The following FLRT2 variants were observed in gnomAD, a reference collection of about 807,000 sequenced individuals.
The protein encoded by FLRT2 is leucine-rich repeat transmembrane protein FLRT2.
FLRT2 carries 15 observed loss-of-function variants against 40.0 expected under a neutral mutation model. The observed-to-expected ratio is 0.38, with a 90% CI of 0.25 to 0.58. The LOEUF (loss-of-function observed/expected upper bound fraction) is 0.58, where lower values mean the gene tolerates loss of function less well. Ranked by LOEUF, FLRT2 falls within the 20% of genes least tolerant of loss-of-function variation. The pLI is 0.71. For missense variants in FLRT2, 726 were observed against 840.0 expected (o/e 0.86, Z 1.68); for synonymous variants, 380 against 336.8 (o/e 1.13, Z -1.41).
intron 1 of FLRT2, among the ~76,000 whole-genome samples, chr14:85,573,229 A>G (rs1595041972): frequency 6.6e-6 from 1 of 150,844 alleles, no homozygotes; most frequent in African/African-American, 2.4e-5. Flanking sequence ...AGAGAGGGAG[A>G]CCCTCCCTCT....
chr14:85,583,010 C>T (rs972916779), intron 1 of FLRT2, among the ~76,000 whole-genome samples: 1 of 151,964 alleles, frequency 6.6e-6, no homozygotes, highest in Non-Finnish European at 1.5e-5. Flanking sequence ...CTGCCCTTAT[C>T]TAAAATAGAA....
At position 85,530,619 on chromosome 14, in the gene FLRT2, A is replaced by AT. The variant is rs5810256; in HGVS notation, c.-377+97dup. 1.1e-3 allele frequency: 162 copies of AT among 149,028 alleles called. 1 individual carries two copies. Among genetic ancestry groups the AT allele is most frequent in the Middle Eastern group, 3.6e-3 (1 of 280 alleles). 9.2% of individuals were successfully genotyped at this position (149,028 alleles called of 1,614,324 possible). On this transcript the variant is annotated intron_variant, in intron 1 of 1. Coordinates refer to ENST00000330753, the MANE Select transcript of FLRT2 (RefSeq NM_013231.6). Reference sequence around the variant, plus strand: ...TGGCACCACGCTGTCTCTTCGGGGGATTTTTTTTTTTTGAAAGAGCTGGGG... The same window carrying AT: ...TGGCACCACGCTGTCTCTTCGGGGGATTTTTTTTTTTTTGAAAGAGCTGGGG...
intron 1 of FLRT2, among the ~76,000 whole-genome samples, chr14:85,542,007 G>A (rs916830511): frequency 5.3e-5 from 8 of 152,120 alleles, no homozygotes; most frequent in Admixed American, 4.6e-4. Flanking sequence ...ATGACTCTTG[G>A]CAGAGTCATG....
At position 85,648,942 on chromosome 14, in the gene FLRT2, G is replaced by C. The variant is rs1894369849; in HGVS notation, c.*25445G>C. The C allele has an allele frequency of 6.6e-6, 1 of 152,136 alleles. No homozygotes were observed. 9.4% of individuals were successfully genotyped at this position (152,136 alleles called of 1,614,324 possible). On this transcript the variant is annotated 3_prime_UTR_variant, in exon 2 of 2. Coordinates refer to ENST00000330753, the MANE Select transcript of FLRT2 (RefSeq NM_013231.6). ...ATAGATTTTAAACCATGTGTGAGCA[G>C]TCACAGAATTCACTGATCTATTATA...
rs1174580814 is a variant in FLRT2 at position 85,533,797 on chromosome 14, G to A, written c.-377+3263G>A. 3.3e-5 allele frequency among the ~76,000 whole-genome samples: 5 copies of A among 151,666 alleles called. No individual in the cohort carries two copies. The East Asian group carries it at 9.8e-4, about 30-fold the overall frequency. On this transcript the variant is annotated intron_variant, in intron 1 of 1. Coordinates refer to ENST00000330753, the MANE Select transcript of FLRT2 (RefSeq NM_013231.6). ...CCCGGCCCCGGCCCGCTGCGGGGAG[G>A]CGCGCGCCGCTCTGAGGCTCCGGCC...
chr14:85,605,593 A>G (rs1430780162), intron 1 of FLRT2, among the ~76,000 whole-genome samples: 1 of 151,954 alleles, frequency 6.6e-6, no homozygotes, highest in African/African-American at 2.4e-5. Context: ...ACACGGTGAA[A>G]CCCCGTCTCT....
At position 85,653,279 on chromosome 14, in the gene FLRT2, TG is replaced by T. The variant is rs1894477166; in HGVS notation, c.*29783del. The T allele has an allele frequency of 6.6e-6, 1 of 152,130 alleles. No individual in the cohort carries two copies. Among genetic ancestry groups the T allele is most frequent in the Admixed American group, 6.6e-5 (1 of 15,262 alleles). The allele number at this position is 152,130 out of a possible 1,614,324, so 9.4% of individuals were successfully genotyped here. On this transcript the variant is annotated 3_prime_UTR_variant, in exon 2 of 2. Coordinates refer to ENST00000330753, the MANE Select transcript of FLRT2 (RefSeq NM_013231.6). ...CAAAATAGCTTTGCTAGGGAACAGA[TG>T]TAACTTGGAGAAGTACCAATTTTGT...
At chr14:85,537,058 A>G (rs1888704299) in intron 1 of FLRT2, among the ~76,000 whole-genome samples, 1 of 152,278 alleles carries the variant, frequency 6.6e-6, no homozygotes, top group African/African-American at 2.4e-5. Flanking sequence ...AGCTGTGTGT[A>G]TATGTCTTTA....
At chr14:85,601,200 G>A (rs892636002) in intron 1 of FLRT2, among the ~76,000 whole-genome samples, 21 of 152,162 alleles carry the variant, frequency 1.4e-4, no homozygotes, top group Admixed American at 4.6e-4. Context: ...GGGAGATGCA[G>A]CATGGAAGAA....
intron 1 of FLRT2, among the ~76,000 whole-genome samples, chr14:85,594,395 C>G (rs1189808630): frequency 6.6e-6 from 1 of 152,044 alleles, no homozygotes; most frequent in Non-Finnish European, 1.5e-5. Context: ...GTGAGTAAAA[C>G]TTCATCAAAT....
chr14:85,583,638 T>C (rs1891487301), intron 1 of FLRT2, among the ~76,000 whole-genome samples: 1 of 152,170 alleles, frequency 6.6e-6, no homozygotes, highest in Non-Finnish European at 1.5e-5. Flanking sequence ...CCTGGTCCGC[T>C]TAAAGAATAT....
chr14:85,546,615 C>T (rs141363161), intron 1 of FLRT2, among the ~76,000 whole-genome samples: 7 of 152,162 alleles, frequency 4.6e-5, no homozygotes, highest in African/African-American at 1.7e-4. Context: ...TGGGTAGAAC[C>T]GAAACGCTTG....
At chr14:85,581,036 TTCTTTA>T (rs1286914793) in intron 1 of FLRT2, among the ~76,000 whole-genome samples, 5 of 152,212 alleles carry the variant, frequency 3.3e-5, no homozygotes, top group Non-Finnish European at 5.9e-5. Context: ...GTTTTTCTTA[TTCTTTA>T]TCTTGCAACA....
chr14:85,543,609 T>A (rs1170413534), intron 1 of FLRT2, among the ~76,000 whole-genome samples: 1 of 152,120 alleles, frequency 6.6e-6, no homozygotes, highest in Non-Finnish European at 1.5e-5. Context: ...CTTGTTATCA[T>A]GCCACGCAAG....
intron 1 of FLRT2, among the ~76,000 whole-genome samples, chr14:85,591,588 C>T (rs575959919): frequency 1.9e-4 from 29 of 152,326 alleles, no homozygotes; most frequent in African/African-American, 7.0e-4. Context: ...CACCACAGCC[C>T]TGCCTCTTGC....
chr14:85,540,865 A>C (rs2139809511), intron 1 of FLRT2, among the ~76,000 whole-genome samples: 1 of 152,310 alleles, frequency 6.6e-6, no homozygotes. Flanking sequence ...TGAATGATAT[A>C]ATATTTGAAG....
intron 1 of FLRT2, among the ~76,000 whole-genome samples, chr14:85,617,888 A>G (rs1228947621): frequency 1.3e-5 from 2 of 152,234 alleles, no homozygotes; most frequent in African/African-American, 2.4e-5. Context: ...CTATTAAGGT[A>G]TATGAACAGT....
In FLRT2 at chr14:85,647,554, G is replaced by C. The variant is rs1157876299; in HGVS notation, c.*24057G>C. 4 of 152,148 alleles carry C rather than the reference G, an allele frequency of 2.6e-5. No homozygotes were observed. Among genetic ancestry groups the C allele is most frequent in the African/African-American group, 9.7e-5 (4 of 41,442 alleles). 9.4% of individuals were successfully genotyped at this position (152,148 alleles called of 1,614,324 possible). ...AAGAGGACACAACAATGATTCATTT[G>C]AACTCTATGATTGCCACTGAATAAT... On this transcript the variant is annotated 3_prime_UTR_variant, in exon 2 of 2. Transcript: ENST00000330753.
At chr14:85,542,253 C>A (rs1889024049) in intron 1 of FLRT2, among the ~76,000 whole-genome samples, 1 of 152,068 alleles carries the variant, frequency 6.6e-6, no homozygotes, top group South Asian at 2.1e-4. Context: ...GTTCAGATGT[C>A]CTGGTAAAAA....
Sources: gnomAD v4.1 joint callset for allele counts (sites outside exome capture counted in the v4.1 genomes callset) on GRCh38, gnomAD v4.1.1 for gene constraint, MANE v1.5 for transcripts, NCBI Gene and HGNC (gene_info 2026-07-23, HGNC 2026-07-21) for gene names.